TG: variants seen among roughly 807,000 people sequenced by gnomAD.
TG encodes the protein thyroid hormones.
In TG, 270 loss-of-function variants were observed where a neutral mutation model predicts 324.7. The ratio of observed to expected loss-of-function variants is 0.83; its 90% CI spans 0.75 to 0.92. The LOEUF (loss-of-function observed/expected upper bound fraction) is 0.92. Ranked by LOEUF, TG falls within the 40% of genes least tolerant of loss-of-function variation. TG has a pLI of 0.00. For synonymous variants in TG, 1,401 were observed against 1,327.0 expected, an observed-to-expected ratio of 1.06 and a Z score of -1.21; for missense variants, 3,591 against 3,456.4, an observed-to-expected ratio of 1.04 and a Z score of -0.98.
At chr8:133,134,595 C>G in intron 47 of TG, 81 bp from the exon 48 acceptor site, 1 of 1,301,358 alleles carries the variant, frequency 7.7e-7, no homozygotes, top group African/African-American at 1.5e-5. Flanking sequence ...AGGCTGGGGT[C>G]TCTTTGGGAC....
At chr8:133,047,921 C>G in intron 41 of TG, 1 of 1,606,932 alleles carries the variant, frequency 6.2e-7, no homozygotes. Flanking sequence ...TGCCCAGGCC[C>G]TCAAACAGCC....
At chr8:133,078,843 A>C (rs2739165) in intron 41 of TG, among the ~76,000 whole-genome samples, 1 of 152,108 alleles carries the variant, frequency 6.6e-6, no homozygotes, top group African/African-American at 2.4e-5. Context: ...TCTCAGGTAG[A>C]GCATGAATGT....
rs573200938 is a variant in TG at position 132,898,798 on chromosome 8, G to T, written c.3218G>T (p.Cys1073Phe). 5 of 1,613,852 alleles carry T rather than the reference G, an allele frequency of 3.1e-6. No individual in the cohort carries two copies. The highest frequency in any genetic ancestry group is 1.1e-5 in the South Asian group (1 of 91,060). Residue 1073 changes from cysteine (C) to phenylalanine (F), a missense_variant and splice_region_variant, in exon 14 of 48, where the codon TGC becomes TTC. Transcript: ENST00000220616. ...TTACAAGCACCTCTCTCTCCCACAG[G>T]CCCGACAACCTGCGAGAAATCTCGA... Reference protein sequence around the residue: ...LTARSLQIPQCPTTCEKSRTS... With the variant: ...LTARSLQIPQFPTTCEKSRTS...
intron 29 of TG, chr8:132,964,836 G>A (rs1828309431): frequency 5.6e-5 from 39 of 697,988 alleles, no homozygotes; most frequent in South Asian, 5.5e-4. Flanking sequence ...GACAGGTGTC[G>A]GTTGCAGTGA....
intron 35 of TG, chr8:132,994,665 T>C: frequency 7.8e-7 from 1 of 1,284,944 alleles, no homozygotes; most frequent in Non-Finnish European, 1.0e-6. Context: ...CCTGACCTCC[T>C]GAAGGAACTC....
intron 23 of TG, among the ~76,000 whole-genome samples, chr8:132,930,583 G>C (rs1268278962): frequency 6.6e-6 from 1 of 152,064 alleles, no homozygotes; most frequent in Non-Finnish European, 1.5e-5. Context: ...TCAGGAGGCT[G>C]AGGCAGGAGA....
At chr8:132,983,466 CT>C in intron 35 of TG, 54 bp downstream of exon 35, 1 of 1,523,154 alleles carries the variant, frequency 6.6e-7, no homozygotes, top group Non-Finnish European at 9.1e-7. Flanking sequence ...CATTCATCTT[CT>C]TTCTCCTCTT....
intron 43 of TG, among the ~76,000 whole-genome samples, chr8:133,104,043 T>C (rs1384651386): frequency 6.6e-6 from 1 of 152,150 alleles, no homozygotes; most frequent in Non-Finnish European, 1.5e-5. Flanking sequence ...GGAGGTGACT[T>C]CTGGACTGAG....
chr8:133,097,379 G>A (rs1381475518), intron 43 of TG, among the ~76,000 whole-genome samples: 7 of 152,142 alleles, frequency 4.6e-5, no homozygotes, highest in Non-Finnish European at 4.4e-5. Flanking sequence ...ATTGATTGTG[G>A]CATTGATTAT....
intron 29 of TG, 106 bp from the exon 30 acceptor site, chr8:132,966,446 TTCTCTCTC>T: frequency 1.5e-6 from 2 of 1,332,900 alleles, no homozygotes; most frequent in Non-Finnish European, 2.1e-6. Flanking sequence ...CTCTGACACT[TTCTCTCTC>T]TGTCTCTCTC....
intron 41 of TG, among the ~76,000 whole-genome samples, chr8:133,057,876 G>T (rs1398113306): frequency 6.6e-6 from 1 of 152,154 alleles, no homozygotes; most frequent in Admixed American, 6.5e-5. Context: ...CAGAAAACAT[G>T]GTTGTCTAAA....
At chr8:132,887,855 A>T (rs1194205599) in intron 9 of TG, 129 bp from the exon 10 acceptor site, 1 of 937,072 alleles carries the variant, frequency 1.1e-6, no homozygotes, top group Non-Finnish European at 1.7e-6. Flanking sequence ...TTACAAATTT[A>T]AGCTTCATGG....
chr8:133,011,804 C>T lies in TG; in HGVS notation c.6263-97C>T, dbSNP rs1445633862. On this transcript the variant is annotated intron_variant, in intron 35 of 47. Coordinates refer to ENST00000220616, the MANE Select transcript of TG (RefSeq NM_003235.5). ...GAATGGAGACCAAGAGGAGGATGCC[C>T]CTAAGGCTGCCTTTGGGGATATTGG... The T allele has an allele frequency of 5.2e-6, 8 of 1,543,940 alleles. No homozygotes were observed. The African/African-American group carries it at 8.2e-5, about 16-fold the overall frequency.
intron 16 of TG, among the ~76,000 whole-genome samples, chr8:132,902,103 A>T (rs2132294428): frequency 6.6e-6 from 1 of 152,248 alleles, no homozygotes; most frequent in African/African-American, 2.4e-5. Flanking sequence ...AGGACATCAC[A>T]GTCATTTTAA....
At chr8:132,889,033 G>A (rs190120443) in intron 10 of TG, among the ~76,000 whole-genome samples, 1 of 152,334 alleles carries the variant, frequency 6.6e-6, no homozygotes, top group Admixed American at 6.5e-5. Context: ...CCTCAGGAGA[G>A]TGCCACCTGA....
At chr8:133,093,396 G>A (rs563112596) in intron 41 of TG, among the ~76,000 whole-genome samples, 40 of 152,264 alleles carry the variant, frequency 2.6e-4, no homozygotes, top group Admixed American at 1.3e-3. Context: ...TGAGCCACTG[G>A]CTGGAGATCA....
chr8:133,083,269 C>T (rs1019088935), intron 41 of TG, among the ~76,000 whole-genome samples: 3 of 151,954 alleles, frequency 2.0e-5, no homozygotes, highest in African/African-American at 7.3e-5. Context: ...ATTTTTTGAA[C>T]CTGTTACTTA....
rs549184203 is a variant in TG at position 132,908,240 on chromosome 8, C to T, written c.3902C>T (p.Pro1301Leu). The change falls in exon 18 of 48, where the codon CCG becomes CTG. Residue 1301 changes from proline to leucine, a missense_variant. Pro to Leu is a moderately conservative substitution (Grantham distance 98). Transcript: ENST00000220616. ...QTQGHFQLQL[P>L]PGKMCSADYA... ...CAAGGGCACTTTCAGCTCCAGCTCC[C>T]GCCGGGCAAGATGTGCAGTGCTGAC... is the stretch of plus-strand genomic sequence containing the variant. 133 of 1,613,998 alleles carry T rather than the reference C, an allele frequency of 8.2e-5. 2 individuals are homozygous for T. In the South Asian group the frequency reaches 1.2e-3, roughly 15 times the overall value.
At chr8:133,071,642 G>C (rs1403539724) in intron 41 of TG, among the ~76,000 whole-genome samples, 1 of 152,074 alleles carries the variant, frequency 6.6e-6, no homozygotes, top group East Asian at 1.9e-4. Flanking sequence ...GCAGCGGGGA[G>C]AGGGGAGGAG....
Sources: allele counts gnomAD v4.1 joint callset (sites outside exome capture counted in the v4.1 genomes callset), GRCh38; gene constraint gnomAD v4.1.1; transcripts MANE v1.5; gene names NCBI Gene and HGNC (gene_info 2026-07-23, HGNC 2026-07-21).